Variants in POR observed in about 807,000 individuals in gnomAD.
POR encodes cytochrome p450 oxidoreductase, also known as NADPH--cytochrome P450 reductase.
In POR, 56 loss-of-function variants were observed where a neutral mutation model predicts 84.0. That is an observed-to-expected ratio of 0.67 (90% CI 0.54 to 0.83). The LOEUF is 0.83. Among genes scored for constraint, POR ranks in the 40% least tolerant of loss-of-function variants. The pLI, the probability that POR is intolerant of heterozygous loss-of-function variation, is 0.00. For missense variants in POR, 938 were observed against 944.3 expected (o/e 0.99, Z 0.09); for synonymous variants, 414 against 400.5 (o/e 1.03, Z -0.40).
intron 1 of POR, among the ~76,000 whole-genome samples, chr7:75,952,396 A>G (rs239950): frequency 0.45 from 42,352 of 94,472 alleles, 12,677 homozygotes; most frequent in African/African-American, 0.83. Context: ...CGGACGGGGC[A>G]GCTGGCCGGG....
chr7:75,936,733 C>G (rs1046168547), intron 1 of POR, among the ~76,000 whole-genome samples: 1 of 151,782 alleles, frequency 6.6e-6, no homozygotes. Context: ...TGCCCCTGCG[C>G]TGGAGGCAGA....
Position 75,986,541 on chromosome 7 carries a change from C to T in POR, c.*60C>T, listed in dbSNP as rs72557960. 1,439 of 1,556,274 alleles carry T rather than the reference C, an allele frequency of 9.2e-4. 10 individuals carry two copies. Among genetic ancestry groups the T allele is most frequent in the Admixed American group, 3.4e-3 (184 of 54,232 alleles). On this transcript the variant is annotated 3_prime_UTR_variant, in exon 16 of 16. Transcript: ENST00000461988. ...GCCTGTAATCAGCTCTCCTGGCTCC[C>T]TCCCGTAGTCTCCTGGGTGTGTTTG... is the stretch of plus-strand genomic sequence containing the variant.
At chr7:75,983,296 G>A (rs782370420) in intron 8 of POR, 48 of 489,650 alleles carry the variant, frequency 9.8e-5, no homozygotes, top group African/African-American at 1.6e-4. Flanking sequence ...AGCCGAGATC[G>A]CGCCGCTGCA....
Position 75,928,264 on chromosome 7 carries a change from C to T in POR, c.-5+13085C>T, listed in dbSNP as rs116271814. ...GATTACAGGTGTGAGCCACCACACC[C>T]GGCTTCTATCTCAGTTTTTAAAAAT... On this transcript the variant is annotated intron_variant, in intron 1 of 15. Coordinates refer to ENST00000461988, the MANE Select transcript of POR (RefSeq NM_000941.3). 8.2e-3 allele frequency among the ~76,000 whole-genome samples: 1,255 copies of T among 152,246 alleles called. 18 individuals are homozygous for T. Among genetic ancestry groups the T allele is most frequent in the African/African-American group, 0.029 (1,190 of 41,554 alleles).
intron 1 of POR, among the ~76,000 whole-genome samples, chr7:75,920,056 CTTTTTTTTTTTTTTT>C (rs71519397): frequency 1.3e-5 from 1 of 76,520 alleles, no homozygotes; most frequent in Admixed American, 1.5e-4. Context: ...AGTTGAATTT[CTTTTTTTTTTTTTTT>C]TTTTTTTTTT....
At chr7:75,938,558 G>C (rs981703584) in intron 1 of POR, among the ~76,000 whole-genome samples, 3 of 152,074 alleles carry the variant, frequency 2.0e-5, no homozygotes, top group Admixed American at 1.3e-4. Context: ...AGGAGTTTGA[G>C]ACCAGCCTGG....
intron 2 of POR, among the ~76,000 whole-genome samples, chr7:75,968,786 ACT>A (rs1788303446): frequency 6.6e-6 from 1 of 151,934 alleles, no homozygotes; most frequent in African/African-American, 2.4e-5. Flanking sequence ...CACCTTGTCC[ACT>A]CTGACGTTCC....
intron 3 of POR, among the ~76,000 whole-genome samples, chr7:75,979,233 C>T (rs1412910102): frequency 2.6e-5 from 4 of 152,176 alleles, no homozygotes; most frequent in Admixed American, 6.5e-5. Flanking sequence ...CTTGAGCAGC[C>T]GCGTGTGTGA....
Position 75,985,816 on chromosome 7 carries a change from T to C in POR, c.1636T>C (p.Phe546Leu), listed in dbSNP as rs1554559185. ...CACCGGGGTGGCACCCTTCATAGGC[T>C]TCATCCAGGAGCGGGCCTGGCTGCG... Residue 546 changes from phenylalanine to leucine, a missense_variant, in exon 13 of 16, where the codon TTC becomes CTC. Physicochemically the swap from Phe to Leu is conservative, Grantham distance 22. Transcript: ENST00000461988. The C allele has an allele frequency of 6.4e-7, 1 of 1,559,032 alleles. No individual in the cohort carries two copies. The highest frequency in any genetic ancestry group is 2.4e-5 in the East Asian group (1 of 42,172).
chr7:75,982,611 C>T (rs1175565466), intron 8 of POR, among the ~76,000 whole-genome samples: 1 of 152,310 alleles, frequency 6.6e-6, no homozygotes, highest in South Asian at 2.1e-4. Context: ...CTAGGATCCT[C>T]TTTGGCAGAA....
At chr7:75,984,669 G>A (rs1340883733) in intron 10 of POR, 108 bp from the exon 11 acceptor site, 1 of 959,148 alleles carries the variant, frequency 1.0e-6, no homozygotes, top group Non-Finnish European at 1.7e-6. Context: ...ACCAGCTGGG[G>A]CACCTGTTGC....
At chr7:75,958,751 A>AGG in intron 2 of POR, among the ~76,000 whole-genome samples, 1 of 152,094 alleles carries the variant, frequency 6.6e-6, no homozygotes, top group Non-Finnish European at 1.5e-5. Flanking sequence ...AGGCTGAGGC[A>AGG]CAAAGATTGC....
At chr7:75,956,035 C>A (rs1048171309) in intron 2 of POR, among the ~76,000 whole-genome samples, 4 of 152,122 alleles carry the variant, frequency 2.6e-5, no homozygotes, top group Non-Finnish European at 2.9e-5. Flanking sequence ...CAGCGGCTCA[C>A]GTCTGTAATT....
intron 1 of POR, chr7:75,922,862 C>G: frequency 1.8e-6 from 1 of 567,290 alleles, no homozygotes; most frequent in South Asian, 1.9e-5. Context: ...GCACTTTTGG[C>G]AAAGGAGGAG....
rs1320160372 is a variant in POR at position 75,985,178 on chromosome 7, C to T, written c.1369C>T (p.Arg457Cys). ...TGAGCTGCTGCCGCGCCTGCAGGCC[C>T]GCTACTACTCCATCGCCTCATCCTC... Residue 457 changes from arginine to cysteine, a missense_variant, in exon 12 of 16, where the codon CGC (arginine) becomes TGC (cysteine). Transcript: ENST00000461988. 6.9e-6 allele frequency: 11 copies of T among 1,597,654 alleles called. No homozygotes were observed. The highest frequency in any genetic ancestry group is 2.2e-5 in the East Asian group (1 of 44,820).
chr7:75,943,484 TGACATTCC>T (rs1787038474), intron 1 of POR, among the ~76,000 whole-genome samples: 3 of 152,176 alleles, frequency 2.0e-5, no homozygotes, highest in African/African-American at 7.2e-5. Context: ...CAGATACTGT[TGACATTCC>T]CTTGTTCGAT....
In POR at chr7:75,952,171, A is replaced by G. The variant is rs173270; in HGVS notation, c.-4-1818A>G. ...CCCCCACCTCCCTCCCGGACGGGGC[A>G]GCTGGCCGGGCGGGGGGCTGACCCC... On this transcript the variant is annotated intron_variant, in intron 1 of 15. Coordinates refer to ENST00000461988, the MANE Select transcript of POR (RefSeq NM_000941.3). Among the ~76,000 whole-genome samples the G allele has an allele frequency of 4.8e-3, 105 of 22,006 alleles. 15 individuals carry two copies. The highest frequency in any genetic ancestry group is 0.018 in the African/African-American group (24 of 1,336). 14.4% of individuals were successfully genotyped at this position (22,006 alleles called of 152,430 possible).
chr7:75,931,259 A>G (rs1807403115), intron 1 of POR, among the ~76,000 whole-genome samples: 1 of 152,248 alleles, frequency 6.6e-6, no homozygotes, highest in African/African-American at 2.4e-5. Context: ...GCTTTTATGC[A>G]TGCCACAACG....
chr7:75,965,649 G>C (rs1470114883), intron 2 of POR, among the ~76,000 whole-genome samples: 3 of 152,092 alleles, frequency 2.0e-5, no homozygotes, highest in African/African-American at 7.2e-5. Flanking sequence ...CTCTGTCTCC[G>C]GAAAATTAGC....
Sources: gnomAD v4.1 joint callset for allele counts (sites outside exome capture counted in the v4.1 genomes callset) on GRCh38, gnomAD v4.1.1 for gene constraint, MANE v1.5 for transcripts, NCBI Gene and HGNC (gene_info 2026-07-23, HGNC 2026-07-21) for gene names.